The following UBE4B variants were observed in gnomAD, a reference collection of about 807,000 sequenced individuals.
UBE4B encodes the protein ubiquitin conjugation factor E4 B.
In UBE4B, 27 loss-of-function variants were observed where a neutral mutation model predicts 148.1. The observed-to-expected ratio is 0.18, with a 90% CI of 0.13 to 0.25. The LOEUF is 0.25. Ranked by LOEUF, UBE4B falls within the 10% of genes least tolerant of loss-of-function variation. The probability of loss-of-function intolerance (pLI) is 1.00; values close to 1 mark genes in which losing one functional copy is unlikely to be tolerated. For synonymous variants in UBE4B, 596 were observed against 619.3 expected (o/e 0.96, Z 0.56); for missense variants, 1,170 against 1,662.4 (o/e 0.70, Z 5.15).
chr1:10,177,001 A>G (rs1646438403), intron 25 of UBE4B, among the ~76,000 whole-genome samples: 1 of 149,802 alleles, frequency 6.7e-6, no homozygotes, highest in Non-Finnish European at 1.5e-5. Context: ...GTTAGCCAGG[A>G]TGGTCTCGAT....
In UBE4B at chr1:10,077,235, C is replaced by T. The variant is rs144238509; in HGVS notation, c.211+5021C>T. ...GGGGAGAATCCTTTCTTCTGCCTTC[C>T]GATAGTTGCTGGCAGTCCTTGGCAT... is the stretch of plus-strand genomic sequence containing the variant. On this transcript the variant is annotated intron_variant, in intron 2 of 27. Coordinates refer to ENST00000343090, the MANE Select transcript of UBE4B (RefSeq NM_001105562.3). 2.6e-3 allele frequency among the ~76,000 whole-genome samples: 401 copies of T among 152,240 alleles called. 1 individual carries two copies. The highest frequency in any genetic ancestry group is 0.01 in the Middle Eastern group (3 of 294).
At chr1:10,111,413 A>G (rs1008900066) in intron 7 of UBE4B, among the ~76,000 whole-genome samples, 4 of 151,970 alleles carry the variant, frequency 2.6e-5, no homozygotes, top group Non-Finnish European at 4.4e-5. Context: ...TCTCCCCACT[A>G]GACAGCTGTA....
intron 2 of UBE4B, among the ~76,000 whole-genome samples, chr1:10,074,195 T>C (rs1443360732): frequency 6.6e-6 from 1 of 152,086 alleles, no homozygotes; most frequent in Admixed American, 6.6e-5. Context: ...TCTGCCTACC[T>C]GTATGTGCGC....
chr1:10,098,037 A>G (rs1369400334), intron 3 of UBE4B, among the ~76,000 whole-genome samples: 1 of 151,880 alleles, frequency 6.6e-6, no homozygotes, highest in African/African-American at 2.4e-5. Flanking sequence ...CGCATGGCTA[A>G]TTTTTGAATT....
At chr1:10,049,760 T>C (rs1460778266) in intron 1 of UBE4B, among the ~76,000 whole-genome samples, 2 of 151,784 alleles carry the variant, frequency 1.3e-5, no homozygotes, top group East Asian at 1.9e-4. Flanking sequence ...TGTGGTGGCA[T>C]GCACCTGTGG....
intron 3 of UBE4B, among the ~76,000 whole-genome samples, chr1:10,096,485 A>C (rs943878840): frequency 6.6e-6 from 1 of 152,140 alleles, no homozygotes; most frequent in African/African-American, 2.4e-5. Flanking sequence ...TAATCCTAGC[A>C]CTTTGGGAGG....
chr1:10,153,339 C>G (rs12747055), intron 21 of UBE4B, among the ~76,000 whole-genome samples: 1 of 151,280 alleles, frequency 6.6e-6, no homozygotes, highest in African/African-American at 2.4e-5. Flanking sequence ...GACCCCATCT[C>G]TACGAAAAAT....
intron 25 of UBE4B, among the ~76,000 whole-genome samples, chr1:10,175,377 T>C (rs193209561): frequency 0.013 from 1,936 of 151,352 alleles, 23 homozygotes; most frequent in African/African-American, 0.029. Flanking sequence ...AATAGCCGGG[T>C]GCAGTGGCTC....
intron 1 of UBE4B, among the ~76,000 whole-genome samples, chr1:10,046,505 T>C (rs571271532): frequency 6.6e-6 from 1 of 152,290 alleles, no homozygotes; most frequent in African/African-American, 2.4e-5. Context: ...AGTAATACTC[T>C]GCGCTGGTCC....
chr1:10,065,994 C>T (rs1211986288), intron 1 of UBE4B, among the ~76,000 whole-genome samples: 4 of 151,648 alleles, frequency 2.6e-5, no homozygotes, highest in African/African-American at 2.4e-5. Flanking sequence ...CAGTAGATAT[C>T]GAAGTGAATA....
In UBE4B at chr1:10,117,468, C is replaced by T; in HGVS notation, c.1206C>T (p.Ala402=). The change falls in exon 8 of 28, where the codon GCC becomes GCT. Residue 402 remains alanine, a synonymous_variant. Transcript: ENST00000343090. ...CTTGTCTTCTCTGAAGTTTGGGAGC[C>T]TCTGGTGGAGCAAGTAATTGGGATT... ...SSLRISPSLG[A]SGGASNWDSY... is the part of the protein sequence containing the mutation. 2 of 1,608,642 alleles carry T rather than the reference C, an allele frequency of 1.2e-6. No individual in the cohort carries two copies. Among genetic ancestry groups the T allele is most frequent in the Non-Finnish European group, 1.7e-6 (2 of 1,178,690 alleles).
chr1:10,105,932 A>G (rs772365347), intron 6 of UBE4B, among the ~76,000 whole-genome samples, 188 bp downstream of exon 6: 1 of 152,110 alleles, frequency 6.6e-6, no homozygotes, highest in Non-Finnish European at 1.5e-5. Context: ...TTGGCTCTCT[A>G]TGGTTAAGAT....
chr1:10,073,584 G>A (rs997632992), intron 2 of UBE4B, among the ~76,000 whole-genome samples: 4 of 152,056 alleles, frequency 2.6e-5, no homozygotes, highest in Admixed American at 6.6e-5. Flanking sequence ...GCCGGGTGTG[G>A]TGCTACCTGC....
At chr1:10,089,387 C>A (rs1644812656) in intron 2 of UBE4B, among the ~76,000 whole-genome samples, 1 of 151,998 alleles carries the variant, frequency 6.6e-6, no homozygotes, top group Non-Finnish European at 1.5e-5. Context: ...TTATTATAAT[C>A]AGCATTGAGG....
intron 7 of UBE4B, among the ~76,000 whole-genome samples, chr1:10,116,006 T>G (rs1645301793): frequency 1.3e-5 from 2 of 152,216 alleles, no homozygotes. Context: ...GTTACAAATG[T>G]GTTCCAAAAT....
rs750429672 is a variant in UBE4B, at chr1:10,149,312, T to C, written c.2690+30T>C. 5 of 1,510,430 alleles carry C rather than the reference T, an allele frequency of 3.3e-6. No individual in the cohort carries two copies. In the Admixed American group the frequency reaches 5.9e-5, roughly 18 times the overall value. The allele number at this position is 1,510,430 out of a possible 1,614,324, so 93.6% of individuals were successfully genotyped here. A position where few individuals can be genotyped will look rare whatever the true frequency, so the allele number is the denominator to read the frequency against. The stretch of plus-strand genomic sequence containing the variant: ...GTGCCTTTAATATTTTACATAGTTC[T>C]AATATGTTTTTATGCATAATAGTAT... On this transcript the variant is annotated intron_variant, in intron 20 of 27. Coordinates refer to ENST00000343090, the MANE Select transcript of UBE4B (RefSeq NM_001105562.3).
At chr1:10,171,368 C>A (rs1646336065) in intron 25 of UBE4B, 39 bp downstream of exon 25, 1 of 1,596,384 alleles carries the variant, frequency 6.3e-7, no homozygotes, top group Non-Finnish European at 8.6e-7. Context: ...AGTTTACTGG[C>A]AGATTTGGAG....
At chr1:10,054,252 A>G (rs1282880878) in intron 1 of UBE4B, among the ~76,000 whole-genome samples, 1 of 152,182 alleles carries the variant, frequency 6.6e-6, no homozygotes, top group East Asian at 1.9e-4. Flanking sequence ...AATTTGTTGC[A>G]CAGTAAGCCA....
chr1:10,055,438 C>T (rs1388878013), intron 1 of UBE4B, among the ~76,000 whole-genome samples: 1 of 152,088 alleles, frequency 6.6e-6, no homozygotes, highest in Non-Finnish European at 1.5e-5. Flanking sequence ...TCTTAGCCTC[C>T]TGAGTAGCTA....
Sources: gnomAD v4.1 joint callset for allele counts (sites outside exome capture counted in the v4.1 genomes callset) on GRCh38, gnomAD v4.1.1 for gene constraint, MANE v1.5 for transcripts, NCBI Gene and HGNC (gene_info 2026-07-23, HGNC 2026-07-21) for gene names.